Variants in PLCB4 observed in about 807,000 individuals in gnomAD.
The protein encoded by PLCB4 is 1-phosphatidylinositol 4,5-bisphosphate phosphodiesterase beta-4.
Under a neutral mutation model 178.8 loss-of-function variants are expected in PLCB4, and 77 were observed. That is an observed-to-expected ratio of 0.43 (90% confidence interval 0.36 to 0.52). PLCB4 has a LOEUF of 0.52. PLCB4 is among the 20% of genes least tolerant of loss of function. The pLI is 0.00. For missense variants in PLCB4, 1,024 were observed against 1,453.4 expected, an observed-to-expected ratio of 0.70 and a Z score of 4.80; for synonymous variants, 496 against 490.8, an observed-to-expected ratio of 1.01 and a Z score of -0.14.
At chr20:9,228,827 C>T (rs915106889) in intron 3 of PLCB4, among the ~76,000 whole-genome samples, 2 of 152,150 alleles carry the variant, frequency 1.3e-5, no homozygotes, top group African/African-American at 4.8e-5. Flanking sequence ...GGGCCATCTT[C>T]ATGGGTAGAG....
intron 35 of PLCB4, among the ~76,000 whole-genome samples, chr20:9,467,088 A>G (rs1167499237): frequency 6.6e-6 from 1 of 152,238 alleles, no homozygotes. Flanking sequence ...AACATGGAAT[A>G]CTATGCAGCC....
intron 2 of PLCB4, among the ~76,000 whole-genome samples, chr20:9,132,082 G>C (rs189126887): frequency 3.2e-4 from 48 of 152,252 alleles, no homozygotes; most frequent in Non-Finnish European, 1.5e-5. Context: ...TTAATGAATT[G>C]TGAGGAATAA....
intron 2 of PLCB4, among the ~76,000 whole-genome samples, chr20:9,119,989 C>T (rs1187164952): frequency 6.6e-6 from 1 of 152,186 alleles, no homozygotes; most frequent in Non-Finnish European, 1.5e-5. Flanking sequence ...GTGATACCAG[C>T]CGGTCGGACA....
At chr20:9,282,130 G>A (rs942726483) in intron 3 of PLCB4, among the ~76,000 whole-genome samples, 1 of 151,910 alleles carries the variant, frequency 6.6e-6, no homozygotes, top group African/African-American at 2.4e-5. Flanking sequence ...AAGAGATATA[G>A]AACAAAATGT....
At chr20:9,185,540 C>G (rs1336818353) in intron 2 of PLCB4, among the ~76,000 whole-genome samples, 3 of 152,098 alleles carry the variant, frequency 2.0e-5, no homozygotes, top group Admixed American at 2.0e-4. Context: ...GGCTTGTTCC[C>G]CACACTGACC....
rs1232514740 is a variant in PLCB4, at chr20:9,074,790, GC to G, written c.-135+5585del. 1.7e-4 allele frequency among the ~76,000 whole-genome samples: 7 copies of G among 40,540 alleles called. No individual in the cohort carries two copies. The East Asian group carries it at 0.012, about 70-fold the overall frequency. The allele number at this position is 40,540 out of a possible 152,430, so 26.6% of individuals were successfully genotyped here. ...CCCAGGGTATCTGTCTCCCAGCTAG[GC>G]TTTTTTTTTTTTTTTTAAACAAAAC... On this transcript the variant is annotated intron_variant, in intron 1 of 39. Transcript: ENST00000378473.
At chr20:9,446,706 C>A (rs140861058) in intron 32 of PLCB4, among the ~76,000 whole-genome samples, 12,513 of 152,186 alleles carry the variant, frequency 0.082, 569 homozygotes, top group Middle Eastern at 0.13. Context: ...CATGGCAAAA[C>A]CCTGTCTCTA....
chr20:9,414,332 G>A (rs575803867), intron 25 of PLCB4, among the ~76,000 whole-genome samples: 8 of 152,306 alleles, frequency 5.3e-5, no homozygotes, highest in African/African-American at 1.4e-4. Context: ...AGAAATTGCC[G>A]TCACCTGCAT....
Position 9,151,242 on chromosome 20 carries a change from A to G in PLCB4, c.-79+54900A>G, listed in dbSNP as rs369148386. On this transcript the variant is annotated intron_variant, in intron 2 of 39. Transcript: ENST00000378473. ...GTTTCAAGTATATGGGAGAACGTGCATAGGTTATATACAAATATTATGCCA... is the reference window on the plus strand; with the variant it reads ...GTTTCAAGTATATGGGAGAACGTGCGTAGGTTATATACAAATATTATGCCA... Among the ~76,000 whole-genome samples the G allele has an allele frequency of 7.9e-4, 120 of 152,328 alleles. No homozygotes were observed. The South Asian group carries it at 0.024, about 30-fold the overall frequency.
At chr20:9,120,210 G>A (rs996946804) in intron 2 of PLCB4, among the ~76,000 whole-genome samples, 5 of 152,166 alleles carry the variant, frequency 3.3e-5, no homozygotes, top group South Asian at 2.1e-4. Flanking sequence ...CCTACTGTGT[G>A]CAGCCTCATT....
chr20:9,318,304 T>C (rs552936358), intron 4 of PLCB4, among the ~76,000 whole-genome samples: 2 of 151,674 alleles, frequency 1.3e-5, no homozygotes, highest in Non-Finnish European at 2.9e-5. Context: ...AGGTGCGGGG[T>C]CTAGGCTTCT....
At chr20:9,166,214 T>C (rs972205286) in intron 2 of PLCB4, 5 of 152,030 alleles carry the variant, frequency 3.3e-5, no homozygotes, top group African/African-American at 1.2e-4. Context: ...AAAACAAAGA[T>C]TTGTTTTAAG....
In PLCB4 at chr20:9,373,079, A is replaced by G; in HGVS notation, c.719A>G (p.Asp240Gly). 1 of 1,537,862 alleles carries G rather than the reference A, an allele frequency of 6.5e-7. No individual in the cohort carries two copies. Among genetic ancestry groups the G allele is most frequent in the Non-Finnish European group, 9.0e-7 (1 of 1,112,448 alleles). The change falls in exon 12 of 40, where the codon GAC becomes GGC. Residue 240 changes from aspartate to glycine, a missense_variant. Transcript: ENST00000378473. ...GACAAAACTGATTATTTAACGGTAG[A>G]CCAATTAGTGAGCTTTCTAAATGAA... ...NGDKTDYLTV[D>G]QLVSFLNEHQ...
chr20:9,418,119 C>T (rs2040379730), intron 25 of PLCB4, among the ~76,000 whole-genome samples: 1 of 152,074 alleles, frequency 6.6e-6, no homozygotes, highest in Admixed American at 6.6e-5. Flanking sequence ...CTTTTTGTGA[C>T]TAGTCTTTTT....
chr20:9,189,572 A>G (rs1248358013), intron 2 of PLCB4, among the ~76,000 whole-genome samples: 1 of 152,228 alleles, frequency 6.6e-6, no homozygotes, highest in African/African-American at 2.4e-5. Flanking sequence ...GACTCCACCC[A>G]CTAGATGCCA....
At chr20:9,149,636 G>A (rs1280112820) in intron 2 of PLCB4, among the ~76,000 whole-genome samples, 1 of 151,530 alleles carries the variant, frequency 6.6e-6, no homozygotes, top group Non-Finnish European at 1.5e-5. Flanking sequence ...CTGCGCTCTG[G>A]TGTTAGAATG....
intron 24 of PLCB4, 148 bp downstream of exon 24, chr20:9,409,329 G>T: frequency 8.6e-5 from 36 of 418,150 alleles, no homozygotes; most frequent in African/African-American, 1.3e-4. Context: ...ATAATGGTGA[G>T]AAATAAAAAA....
intron 1 of PLCB4, among the ~76,000 whole-genome samples, chr20:9,083,058 A>T (rs1281060542): frequency 6.6e-6 from 1 of 152,204 alleles, no homozygotes; most frequent in Non-Finnish European, 1.5e-5. Flanking sequence ...AGAGCAGCAG[A>T]TGCCTTCTGA....
chr20:9,130,244 C>A (rs528095594), intron 2 of PLCB4, among the ~76,000 whole-genome samples: 1 of 152,198 alleles, frequency 6.6e-6, no homozygotes, highest in African/African-American at 2.4e-5. Flanking sequence ...TATTTACACA[C>A]CAACCTTATT....
Sources: gnomAD v4.1 joint callset for allele counts (sites outside exome capture counted in the v4.1 genomes callset) on GRCh38, gnomAD v4.1.1 for gene constraint, MANE v1.5 for transcripts, NCBI Gene and HGNC (gene_info 2026-07-23, HGNC 2026-07-21) for gene names.